Variants in NUP85 observed in about 807,000 individuals in gnomAD.
NUP85 encodes the protein nucleoporin 85, also known as nuclear pore complex protein Nup85.
NUP85 carries 23 observed loss-of-function variants against 92.8 expected under a neutral mutation model. The observed-to-expected ratio is 0.25, with a 90% CI of 0.18 to 0.35. The LOEUF (loss-of-function observed/expected upper bound fraction) is 0.35. Ranked by LOEUF, NUP85 falls within the 10% of genes least tolerant of loss-of-function variation. NUP85 has a pLI of 1.00. For missense variants in NUP85, 759 were observed against 822.8 expected, an observed-to-expected ratio of 0.92 and a Z score of 0.95; for synonymous variants, 314 against 306.9, an observed-to-expected ratio of 1.02 and a Z score of -0.24.
At chr17:75,218,456 G>C in intron 7 of NUP85, 150 bp downstream of exon 7, 1 of 909,868 alleles carries the variant, frequency 1.1e-6, no homozygotes, top group Non-Finnish European at 1.6e-6. Flanking sequence ...TTTCTTCCCT[G>C]CTCTATGGGA....
chr17:75,210,770 C>G (rs1015638832), intron 3 of NUP85, among the ~76,000 whole-genome samples: 2 of 148,242 alleles, frequency 1.3e-5, no homozygotes, highest in Non-Finnish European at 3.0e-5. Flanking sequence ...GACGCGTTCT[C>G]CGCTCACTGT....
Position 75,228,292 on chromosome 17 carries a change from C to T in NUP85, c.1094+2135C>T, listed in dbSNP as rs569834732. On this transcript the variant is annotated intron_variant, in intron 11 of 18. Transcript: ENST00000245544. ...ATGAAGAGGGGTGAACAACATCACT[C>T]TCGTGCCGGACACAGACAAGGAATG... The T allele has an allele frequency of 8.3e-4, 814 of 985,386 alleles. 8 individuals are homozygous for T. The African/African-American group carries it at 0.014, about 16-fold the overall frequency. The allele number at this position is 985,386 out of a possible 1,614,324, so 61.0% of individuals were successfully genotyped here.
chr17:75,212,226 G>T (rs1264724232), intron 4 of NUP85, among the ~76,000 whole-genome samples, 164 bp downstream of exon 4: 1 of 76,484 alleles, frequency 1.3e-5, no homozygotes, highest in Admixed American at 1.7e-4. Context: ...TAATCATTTA[G>T]AGGTTTTTTT....
intron 7 of NUP85, among the ~76,000 whole-genome samples, chr17:75,220,448 T>G (rs2075565220): frequency 6.6e-6 from 1 of 151,346 alleles, no homozygotes; most frequent in Non-Finnish European, 1.5e-5. Context: ...AAATACAGTT[T>G]CACTGTGTTC....
chr17:75,219,365 T>A (rs897611627), intron 7 of NUP85, among the ~76,000 whole-genome samples: 2 of 151,902 alleles, frequency 1.3e-5, no homozygotes, highest in Non-Finnish European at 2.9e-5. Flanking sequence ...CACCTTTGAT[T>A]TCCTGGGCTC....
At chr17:75,228,803 A>G in intron 11 of NUP85, 1 of 985,418 alleles carries the variant, frequency 1.0e-6, no homozygotes, top group South Asian at 4.7e-5. Flanking sequence ...CTATGTCAAT[A>G]ATCGTGCCAG....
intron 5 of NUP85, among the ~76,000 whole-genome samples, chr17:75,213,958 G>A (rs990445866): frequency 6.9e-6 from 1 of 144,198 alleles, no homozygotes; most frequent in African/African-American, 2.6e-5. Context: ...TGCAAGCTCC[G>A]CCTCCCAGGT....
intron 11 of NUP85, among the ~76,000 whole-genome samples, chr17:75,230,105 A>G (rs1973186): frequency 0.91 from 137,003 of 150,062 alleles, 63,520 homozygotes; most frequent in Non-Finnish European, 1. Flanking sequence ...GTGCAGTGGC[A>G]CGATCTCAGC....
Position 75,209,993 on chromosome 17 carries a change from G to C in NUP85, c.290+8G>C. On this transcript the variant is annotated splice_region_variant and intron_variant, in intron 3 of 18. Coordinates refer to ENST00000245544, the MANE Select transcript of NUP85 (RefSeq NM_024844.5). The stretch of plus-strand genomic sequence containing the variant: ...AAAATCCAGAAAATCTCAGTAAGTT[G>C]GTTGCTGTTTGGTGTTGAAGCCCAC... The C allele has an allele frequency of 1.9e-6, 3 of 1,590,900 alleles. No homozygotes were observed. The highest frequency in any genetic ancestry group is 1.7e-4 in the Middle Eastern group (1 of 6,004).
intron 7 of NUP85, among the ~76,000 whole-genome samples, chr17:75,224,817 A>G: frequency 8.0e-6 from 1 of 125,058 alleles, no homozygotes; most frequent in African/African-American, 3.0e-5. Context: ...GGGCAACAAG[A>G]GGGGAACTCT....
rs549542358 is a variant in NUP85 at position 75,230,442 on chromosome 17, C to T, written c.1095-898C>T. On this transcript the variant is annotated intron_variant, in intron 11 of 18. Transcript: ENST00000245544. ...TGGCGCGATCTCGTCTCACTGCAAG[C>T]CCCGCCTCCTAGGTTCACGCCATTC... Among the ~76,000 whole-genome samples, 10 of 150,302 alleles carry T rather than the reference C, an allele frequency of 6.7e-5. 1 individual carries two copies. The highest frequency in any genetic ancestry group is 3.3e-4 in the Admixed American group (5 of 15,016).
At position 75,225,473 on chromosome 17, in the gene NUP85, A is replaced by G. The variant is rs763940285; in HGVS notation, c.855+9A>G. 5 of 1,612,712 alleles carry G rather than the reference A, an allele frequency of 3.1e-6. No individual in the cohort carries two copies. Among genetic ancestry groups the G allele is most frequent in the Non-Finnish European group, 4.2e-6 (5 of 1,179,856 alleles). ...TGGAGTCTCTCTTGAAGGTCTGGGA[A>G]GCAGTTCAGATTGCATCCATGTTGG... On this transcript the variant is annotated intron_variant, in intron 9 of 18. Transcript: ENST00000245544.
intron 7 of NUP85, 118 bp downstream of exon 7, chr17:75,218,424 C>A: frequency 8.3e-7 from 1 of 1,202,230 alleles, no homozygotes. Context: ...GAGTCTGTTA[C>A]TATGGAGACT....
rs1009989765 is a variant in NUP85 at position 75,211,909 on chromosome 17, C to T, written c.291-83C>T. On this transcript the variant is annotated intron_variant, in intron 3 of 18. Transcript: ENST00000245544. ...CTCTCCTCTTTCTTTCAGCAAATTT[C>T]TGCATTTATTTGAGTGTTTCCTTCC... The T allele has an allele frequency of 5.1e-5, 55 of 1,084,404 alleles. 1 individual carries two copies. In the South Asian group the frequency reaches 7.5e-4, roughly 15 times the overall value. 67.2% of individuals were successfully genotyped at this position (1,084,404 alleles called of 1,614,324 possible).
In NUP85 at chr17:75,231,268, G is replaced by A. The variant is rs1306075921; in HGVS notation, c.1095-72G>A. 2 of 1,419,628 alleles carry A rather than the reference G, an allele frequency of 1.4e-6. No individual in the cohort carries two copies. The highest frequency in any genetic ancestry group is 1.7e-5 in the Admixed American group (1 of 59,456). 87.9% of individuals were successfully genotyped at this position (1,419,628 alleles called of 1,614,324 possible). A position where few individuals can be genotyped will look rare whatever the true frequency, so the allele number is the denominator to read the frequency against. ...AGGGACAGGACATGTGGGGTTTCTTGCTCACCCCCACTCTTGTGGGACGCG... is the reference window on the plus strand; with the variant it reads ...AGGGACAGGACATGTGGGGTTTCTTACTCACCCCCACTCTTGTGGGACGCG... On this transcript the variant is annotated intron_variant, in intron 11 of 18. Coordinates refer to ENST00000245544, the MANE Select transcript of NUP85 (RefSeq NM_024844.5). This position sits in a 1 kb window ranked among gnomAD's most constrained non-coding sequence, Gnocchi z 4.6.
At chr17:75,228,787 T>A (rs1023550212) in intron 11 of NUP85, 3 of 985,266 alleles carry the variant, frequency 3.0e-6, no homozygotes, top group Non-Finnish European at 3.6e-6. Flanking sequence ...GGCCCCTGAT[T>A]TACTCCTATG....
chr17:75,228,437 A>C (rs1305957508), intron 11 of NUP85: 2 of 985,428 alleles, frequency 2.0e-6, no homozygotes, highest in Non-Finnish European at 2.4e-6. Flanking sequence ...GCTACCTCCT[A>C]TCCTGTTTTG....
chr17:75,222,106 A>G (rs886168927), intron 7 of NUP85, among the ~76,000 whole-genome samples: 1 of 151,820 alleles, frequency 6.6e-6, no homozygotes, highest in Non-Finnish European at 1.5e-5. Flanking sequence ...TGCAGTGGTC[A>G]GATTACAGCT....
chr17:75,232,073 C>T, intron 14 of NUP85, 94 bp downstream of exon 14: 1 of 1,361,976 alleles, frequency 7.3e-7, no homozygotes, highest in Non-Finnish European at 1.0e-6. Flanking sequence ...CCATCCTCCT[C>T]CTCACGAGCC....
Sources: gnomAD v4.1 joint callset for allele counts (sites outside exome capture counted in the v4.1 genomes callset) on GRCh38, gnomAD v4.1.1 for gene constraint, Gnocchi (gnomAD v3.1) non-coding constraint, MANE v1.5 for transcripts, NCBI Gene and HGNC (gene_info 2026-07-23, HGNC 2026-07-21) for gene names.